Variants in KAT14 observed in about 807,000 individuals in gnomAD.
The protein encoded by KAT14 is cysteine-rich protein 2-binding protein.
KAT14 carries 66 observed loss-of-function variants against 78.4 expected under a neutral mutation model. The ratio of observed to expected loss-of-function variants is 0.84; its 90% CI spans 0.69 to 1.03. KAT14 has a LOEUF of 1.03. KAT14 is among the 50% of genes least tolerant of loss of function. The pLI is 0.00. For synonymous variants in KAT14, 344 were observed against 359.4 expected (o/e 0.96, Z 0.48); for missense variants, 870 against 972.5 (o/e 0.89, Z 1.40).
At chr20:18,146,489 G>A (rs1001434362) in intron 3 of KAT14, among the ~76,000 whole-genome samples, 2 of 151,840 alleles carry the variant, frequency 1.3e-5, no homozygotes, top group South Asian at 2.1e-4. Flanking sequence ...GAGAAACACC[G>A]TCTCTACTAA....
chr20:18,162,768 A>G lies in KAT14; in HGVS notation c.1491A>G (p.Arg497=), dbSNP rs1314285823. The G allele has an allele frequency of 3.1e-6, 5 of 1,614,120 alleles. No individual in the cohort carries two copies. The highest frequency in any genetic ancestry group is 4.2e-6 in the Non-Finnish European group (5 of 1,180,048). ...GACTGAAACGCAAACTGATTGTCAG[A>G]CAAGCGAAAAGGGATAGGGGATTAC... ...ARRLKRKLIV[R]QAKRDRGLPL... is the part of the protein sequence containing the mutation. Residue 497 remains arginine (R), a synonymous_variant, in exon 7 of 11, where the codon AGA becomes AGG. Transcript: ENST00000688188.
chr20:18,184,930 G>A, intron 10 of KAT14, 138 bp downstream of exon 10: 1 of 894,464 alleles, frequency 1.1e-6, no homozygotes, highest in Non-Finnish European at 1.6e-6. Context: ...AAGAAAGCCA[G>A]TCATCAGCAT....
At chr20:18,139,672 GTGTT>G (rs1166218593) in intron 1 of KAT14, among the ~76,000 whole-genome samples, 5 of 85,596 alleles carry the variant, frequency 5.8e-5, no homozygotes, top group Admixed American at 1.3e-4. Flanking sequence ...GTGTGTGTGT[GTGTT>G]TATTTTTTTT....
intron 4 of KAT14, 123 bp downstream of exon 4, chr20:18,151,065 C>T (rs919117694): frequency 2.3e-6 from 3 of 1,332,894 alleles, no homozygotes; most frequent in African/African-American, 3.0e-5. Flanking sequence ...GATAGAGTCT[C>T]CCAGGCTGGA....
chr20:18,186,648 G>A (rs1014889541), intron 10 of KAT14, among the ~76,000 whole-genome samples: 1 of 152,182 alleles, frequency 6.6e-6, no homozygotes, highest in Non-Finnish European at 1.5e-5. Flanking sequence ...CTAAGGACTT[G>A]CCTTGTGTTG....
intron 4 of KAT14, among the ~76,000 whole-genome samples, chr20:18,151,664 C>T (rs954625546): frequency 4.0e-5 from 6 of 151,638 alleles, no homozygotes; most frequent in South Asian, 2.1e-4. Context: ...GTGGCAATTA[C>T]GAAAATTTTT....
intron 1 of KAT14, among the ~76,000 whole-genome samples, chr20:18,141,484 T>C (rs60528053): frequency 0.22 from 33,821 of 152,172 alleles, 4,459 homozygotes; most frequent in East Asian, 0.52. Flanking sequence ...TTTTTTCTGT[T>C]GGTGTTTATT....
At chr20:18,181,939 G>T (rs1007132707) in intron 8 of KAT14, 93 bp downstream of exon 8, 1 of 1,531,640 alleles carries the variant, frequency 6.5e-7, no homozygotes. Flanking sequence ...AGAGAATAAA[G>T]ATCACAAACT....
At position 18,187,206 on chromosome 20, in the gene KAT14, A is replaced by C. The variant is rs558798187; in HGVS notation, c.2173-80A>C. On this transcript the variant is annotated intron_variant, in intron 10 of 10. Coordinates refer to ENST00000688188, the MANE Select transcript of KAT14 (RefSeq NM_001392073.1). ...CCGGTTTCCATAACTAACTGCCTACACTTAAAAGCGTTTCTTTACCTACTC... is the reference window on the plus strand; with the variant it reads ...CCGGTTTCCATAACTAACTGCCTACCCTTAAAAGCGTTTCTTTACCTACTC... 1.3e-4 allele frequency: 200 copies of C among 1,502,446 alleles called. No individual in the cohort carries two copies. In the African/African-American group the frequency reaches 2.6e-3, roughly 19 times the overall value. The allele number at this position is 1,502,446 out of a possible 1,614,324, so 93.1% of individuals were successfully genotyped here. A position where few individuals can be genotyped will look rare whatever the true frequency, so the allele number is the denominator to read the frequency against.
In KAT14 at chr20:18,181,796, C is replaced by T. The variant is rs766336780; in HGVS notation, c.1755C>T (p.Asp585=). ...TAGGATCAGAAGATATGGCTGTGGA[C>T]CAGAGTATTGTCAGCCCTTATACCT... ...RLVGSEDMAV[D]QSIVSPYTSR... Residue 585 remains aspartate (D), a synonymous_variant, in exon 8 of 11, where the codon GAC becomes GAT. Coordinates refer to ENST00000688188, the MANE Select transcript of KAT14 (RefSeq NM_001392073.1). 3.1e-6 allele frequency: 5 copies of T among 1,614,086 alleles called. No homozygotes were observed. Among genetic ancestry groups the T allele is most frequent in the Non-Finnish European group, 4.2e-6 (5 of 1,180,022 alleles).
At position 18,142,909 on chromosome 20, in the gene KAT14, G is replaced by T. The variant is rs2037642284; in HGVS notation, c.249G>T (p.Trp83Cys). Residue 83 changes from tryptophan (W) to cysteine (C), a missense_variant, in exon 2 of 11, where the codon TGG (tryptophan) becomes TGT (cysteine). By Grantham distance (215) the Trp-to-Cys change is radical. Transcript: ENST00000688188. ...ACTTCTGTGACAAGTGCCAAAAATGGATACCAGCCAGTAAGGAGCTTCTCA... is the reference window on the plus strand; with the variant it reads ...ACTTCTGTGACAAGTGCCAAAAATGTATACCAGCCAGTAAGGAGCTTCTCA... ...LSYFCDKCQKWIPASQLREQL... is the reference protein window; with the variant it reads ...LSYFCDKCQKCIPASQLREQL... 6.2e-7 allele frequency: 1 copy of T among 1,613,618 alleles called. No individual in the cohort carries two copies.
At chr20:18,138,179 C>T (rs1651794426) in intron 1 of KAT14, 128 bp downstream of exon 1, 1 of 1,300,150 alleles carries the variant, frequency 7.7e-7, no homozygotes, top group Admixed American at 4.2e-5. Flanking sequence ...CGCGGCCCTG[C>T]ACCCCACGCG....
Position 18,162,164 on chromosome 20 carries a change from CA to C in KAT14, c.1025del (p.His342LeufsTer13). 1 of 1,614,254 alleles carries C rather than the reference CA, an allele frequency of 6.2e-7. No individual in the cohort carries two copies. The highest frequency in any genetic ancestry group is 8.5e-7 in the Non-Finnish European group (1 of 1,180,054). ...DFSAPGTPAS[H>X]SATPSLLSEA... ...CTCTGCCCCTGGTACACCTGCCTCT[CA>C]TTCTGCCACACCTAGCTTGCTTTCA... On this transcript the variant is annotated frameshift_variant, in exon 6 of 11. Transcript: ENST00000688188. LOFTEE classifies it high-confidence loss of function.
rs1568669495 is a variant in KAT14 at position 18,164,611 on chromosome 20, C to CTTTTTTT, written c.1668+1668_1668+1669insTTTTTTT. Among the ~76,000 whole-genome samples the CTTTTTTT allele has an allele frequency of 4.7e-5, 2 of 42,492 alleles. 1 individual carries two copies. The allele number at this position is 42,492 out of a possible 152,430, so 27.9% of individuals were successfully genotyped here. A position where few individuals can be genotyped will look rare whatever the true frequency, so the allele number is the denominator to read the frequency against. On this transcript the variant is annotated intron_variant, in intron 7 of 10. Coordinates refer to ENST00000688188, the MANE Select transcript of KAT14 (RefSeq NM_001392073.1). Reference sequence around the variant, plus strand: ...TTTGTTAGTCATCTATTCACTTGTTCTTGTTCTTTTTTTTTTTTTTTTTGA... The same window carrying CTTTTTTT: ...TTTGTTAGTCATCTATTCACTTGTTCTTTTTTTTTGTTCTTTTTTTTTTTTTTTTTGA...
intron 7 of KAT14, among the ~76,000 whole-genome samples, chr20:18,169,052 G>A (rs1049482847): frequency 5.3e-5 from 8 of 151,784 alleles, no homozygotes; most frequent in African/African-American, 1.9e-4. Context: ...AGATCCTCAA[G>A]TTCAGAGATT....
intron 7 of KAT14, among the ~76,000 whole-genome samples, chr20:18,176,522 A>T (rs1212487457): frequency 6.6e-6 from 1 of 152,270 alleles, no homozygotes; most frequent in African/African-American, 2.4e-5. Context: ...GGGCAGGAGC[A>T]CTGCTCTATG....
intron 3 of KAT14, among the ~76,000 whole-genome samples, chr20:18,145,806 T>C (rs1428274396): frequency 6.6e-6 from 1 of 152,136 alleles, no homozygotes; most frequent in Non-Finnish European, 1.5e-5. Context: ...TATTCACTGC[T>C]GACTTGGTGA....
intron 1 of KAT14, among the ~76,000 whole-genome samples, chr20:18,139,989 TAGAA>T (rs765340620): frequency 7.9e-5 from 12 of 152,104 alleles, no homozygotes; most frequent in Non-Finnish European, 1.5e-4. Flanking sequence ...GGAAAGTTGT[TAGAA>T]AGGTAGTTCA....
chr20:18,142,507 C>T lies in KAT14; in HGVS notation c.-154C>T. 1 of 1,459,534 alleles carries T rather than the reference C, an allele frequency of 6.9e-7. No individual in the cohort carries two copies. The highest frequency in any genetic ancestry group is 9.0e-7 in the Non-Finnish European group (1 of 1,108,778). 90.4% of individuals were successfully genotyped at this position (1,459,534 alleles called of 1,614,324 possible). A position where few individuals can be genotyped will look rare whatever the true frequency, so the allele number is the denominator to read the frequency against. On this transcript the variant is annotated 5_prime_UTR_variant, in exon 2 of 11. Transcript: ENST00000688188. ...GGACAGTGGGTCATATAAGTTACTG[C>T]TTTCAGGGTCCCTTATATCTGAATA...
Sources: gnomAD v4.1 joint callset for allele counts (sites outside exome capture counted in the v4.1 genomes callset) on GRCh38, gnomAD v4.1.1 for gene constraint, MANE v1.5 for transcripts, NCBI Gene and HGNC (gene_info 2026-07-23, HGNC 2026-07-21) for gene names.